The following PFKFB4 variants were observed in gnomAD, a reference collection of about 807,000 sequenced individuals.
The protein encoded by PFKFB4 is 6-phosphofructo-2-kinase/fructose-2,6-biphosphatase 4, also known as 6-phosphofructo-2-kinase/fructose-2,6-bisphosphatase 4.
Under a neutral mutation model 62.8 loss-of-function variants are expected in PFKFB4, and 42 were observed. The observed-to-expected ratio is 0.67, with a 90% CI of 0.52 to 0.86. The LOEUF (loss-of-function observed/expected upper bound fraction) is 0.86. PFKFB4 is among the 40% of genes least tolerant of loss of function. The probability of loss-of-function intolerance (pLI) is 0.00; values close to 1 mark genes in which losing one functional copy is unlikely to be tolerated. For synonymous variants in PFKFB4, 204 were observed against 240.7 expected (o/e 0.85, Z 1.41); for missense variants, 475 against 627.2 (o/e 0.76, Z 2.59).
chr3:48,522,191 G>A (rs945481174), intron 12 of PFKFB4, 141 bp from the exon 13 acceptor site: 21 of 749,496 alleles, frequency 2.8e-5, no homozygotes, highest in East Asian at 2.1e-4. Flanking sequence ...TCCACTTTAG[G>A]CAGCTCTGGG....
At chr3:48,533,311 A>G (rs1489062245) in intron 9 of PFKFB4, among the ~76,000 whole-genome samples, 1 of 152,214 alleles carries the variant, frequency 6.6e-6, no homozygotes, top group East Asian at 1.9e-4. Flanking sequence ...ATGTAAATGT[A>G]CTTCATACTC....
chr3:48,557,407 G>A (rs1017748426), upstream of PFKFB4, among the ~76,000 whole-genome samples: 1 of 152,144 alleles, frequency 6.6e-6, no homozygotes, highest in Non-Finnish European at 1.5e-5. Flanking sequence ...CCGAGCCCCG[G>A]GACTCTTCCG....
At chr3:48,536,661 C>A in intron 7 of PFKFB4, 198 bp from the exon 8 acceptor site, 1 of 561,934 alleles carries the variant, frequency 1.8e-6, no homozygotes. Context: ...CACAGGCAAA[C>A]CCTGTGGGAG....
chr3:48,539,311 C>T lies in PFKFB4; in HGVS notation c.454-1G>A, dbSNP rs750576890. ...CACAGATGGACTCGACAAAAAAGGT[C>T]TGCGGCAGGACCAGAAGCGCCGGGG... On this transcript the variant is annotated splice_acceptor_variant, in intron 5 of 13. Coordinates refer to ENST00000232375, the MANE Select transcript of PFKFB4 (RefSeq NM_004567.4). LOFTEE classifies it high-confidence loss of function. The T allele has an allele frequency of 6.2e-7, 1 of 1,613,846 alleles. No individual in the cohort carries two copies. Among genetic ancestry groups the T allele is most frequent in the Admixed American group, 1.7e-5 (1 of 59,992 alleles).
chr3:48,522,096 C>T (rs763608135), intron 12 of PFKFB4, 46 bp from the exon 13 acceptor site: 1 of 1,565,714 alleles, frequency 6.4e-7, no homozygotes, highest in Non-Finnish European at 8.8e-7. Context: ...TGAAAGGCAG[C>T]TGAGCTGCAG....
chr3:48,556,705 C>A lies in PFKFB4; in HGVS notation c.73G>T (p.Ala25Ser). The change falls in exon 1 of 14, where the codon GCT becomes TCT. Residue 25 changes from alanine (A) to serine (S), a missense_variant. Coordinates refer to ENST00000232375, the MANE Select transcript of PFKFB4 (RefSeq NM_004567.4). This position sits in a 1 kb window ranked among gnomAD's most constrained non-coding sequence, Gnocchi z 5.7. ...IWMPYSNGRP[A>S]LHACQRGVCM... ...CCACCGCGCTGGCAAGCGTGCAGAG[C>A]GGGCCGCCCATTGCTGTATGGCATC... is the stretch of plus-strand genomic sequence containing the variant. 1 of 1,611,306 alleles carries A rather than the reference C, an allele frequency of 6.2e-7. No individual in the cohort carries two copies. Among genetic ancestry groups the A allele is most frequent in the Non-Finnish European group, 8.5e-7 (1 of 1,178,700 alleles).
chr3:48,557,571 C>T (rs2043361926), upstream of PFKFB4, among the ~76,000 whole-genome samples: 3 of 152,164 alleles, frequency 2.0e-5, no homozygotes, highest in Middle Eastern at 3.4e-3. Flanking sequence ...AGTTTCGCTC[C>T]TGTTGCCCAG....
In PFKFB4 at chr3:48,523,568, G is replaced by A; in HGVS notation, c.1254C>T (p.His418=). ...EQLPYLKCPL[H]TVLKLTPVAY... is the part of the protein sequence containing the mutation. ...CCACAGGAGTCAGCTTCAGGACTGT[G>A]TGCAGCGGACACTTGAGGTAGGGCA... is the stretch of plus-strand genomic sequence containing the variant. The change falls in exon 12 of 14, where the codon CAC becomes CAT. Residue 418 remains histidine (H), a synonymous_variant. Transcript: ENST00000232375. 1 of 1,614,178 alleles carries A rather than the reference G, an allele frequency of 6.2e-7. No homozygotes were observed. Among genetic ancestry groups the A allele is most frequent in the Non-Finnish European group, 8.5e-7 (1 of 1,180,032 alleles).
chr3:48,553,231 T>C (rs1412148712), intron 1 of PFKFB4, among the ~76,000 whole-genome samples: 1 of 152,198 alleles, frequency 6.6e-6, no homozygotes, highest in East Asian at 1.9e-4. Flanking sequence ...CCCAGCACTT[T>C]GGGAGGCCGA....
chr3:48,557,697 C>T (rs1370147520), upstream of PFKFB4, among the ~76,000 whole-genome samples: 1 of 152,092 alleles, frequency 6.6e-6, no homozygotes, highest in Admixed American at 6.5e-5. Context: ...CCACCACGCC[C>T]TGCTAATTTT....
chr3:48,535,780 G>T, intron 8 of PFKFB4, 122 bp from the exon 9 acceptor site: 1 of 1,163,730 alleles, frequency 8.6e-7, no homozygotes, highest in Non-Finnish European at 1.2e-6. Context: ...TTGGTAAAAA[G>T]CATGAACTAA....
chr3:48,548,941 G>C (rs1024817313), intron 3 of PFKFB4, among the ~76,000 whole-genome samples: 1 of 152,192 alleles, frequency 6.6e-6, no homozygotes, highest in Non-Finnish European at 1.5e-5. Context: ...GAAGGAACGG[G>C]TAGCCTAGTG....
intron 3 of PFKFB4, among the ~76,000 whole-genome samples, chr3:48,544,973 T>G (rs1473164433): frequency 1.3e-5 from 2 of 152,072 alleles, no homozygotes; most frequent in Non-Finnish European, 2.9e-5. Flanking sequence ...ATCTGCCCAC[T>G]TTGGCCTCCC....
At chr3:48,544,134 A>G (rs1051031885) in intron 3 of PFKFB4, among the ~76,000 whole-genome samples, 24 of 151,296 alleles carry the variant, frequency 1.6e-4, no homozygotes, top group African/African-American at 4.6e-4. Flanking sequence ...GCCTCAGCCT[A>G]CTGAGTAGCT....
chr3:48,556,828 C>A (rs759428006), upstream of PFKFB4: 20 of 1,539,294 alleles, frequency 1.3e-5, no homozygotes, highest in East Asian at 2.9e-4. The surrounding 1 kb of genome is among the most constrained non-coding windows in gnomAD (Gnocchi z 5.7). Context: ...AGCAGCCGGG[C>A]CACCTCGGGC....
chr3:48,536,040 A>G (rs2042595388), intron 8 of PFKFB4, among the ~76,000 whole-genome samples: 1 of 152,240 alleles, frequency 6.6e-6, no homozygotes, highest in South Asian at 2.1e-4. Flanking sequence ...TCAGTGAGTG[A>G]CAGCTCACAT....
chr3:48,523,482 T>C (rs2107455917), intron 12 of PFKFB4, 55 bp downstream of exon 12: 2 of 1,499,584 alleles, frequency 1.3e-6, no homozygotes, highest in East Asian at 2.3e-5. Context: ...CATGGAACTG[T>C]GCAGAGATCC....
At chr3:48,537,922 C>T (rs939278654) in intron 7 of PFKFB4, among the ~76,000 whole-genome samples, 1 of 152,182 alleles carries the variant, frequency 6.6e-6, no homozygotes, top group Non-Finnish European at 1.5e-5. Context: ...TGTCTCTCCA[C>T]AATGACGAGT....
Position 48,518,005 on chromosome 3 carries a change from A to G in PFKFB4, c.*1742T>C, listed in dbSNP as rs1187262977. 6.6e-6 allele frequency: 1 copy of G among 152,158 alleles called. No individual in the cohort carries two copies. Among genetic ancestry groups the G allele is most frequent in the African/African-American group, 2.4e-5 (1 of 41,412 alleles). The allele number at this position is 152,158 out of a possible 1,614,324, so 9.4% of individuals were successfully genotyped here. A position where few individuals can be genotyped will look rare whatever the true frequency, so the allele number is the denominator to read the frequency against. ...AGAGAGAAAAGGCCTCGGTGGTCTC[A>G]CCTCAGATGACATCCAGAGGTACAT... On this transcript the variant is annotated 3_prime_UTR_variant, in exon 14 of 14. Coordinates refer to ENST00000232375, the MANE Select transcript of PFKFB4 (RefSeq NM_004567.4).
Sources: allele counts gnomAD v4.1 joint callset (sites outside exome capture counted in the v4.1 genomes callset), GRCh38; gene constraint gnomAD v4.1.1; non-coding constraint Gnocchi (gnomAD v3.1); transcripts MANE v1.5; gene names NCBI Gene and HGNC (gene_info 2026-07-23, HGNC 2026-07-21).